The following DLG2 variants were observed in gnomAD, a reference collection of about 807,000 sequenced individuals.
The protein encoded by DLG2 is discs large MAGUK scaffold protein 2, also known as disks large homolog 2.
DLG2 carries 45 observed loss-of-function variants against 132.5 expected under a neutral mutation model. The observed-to-expected ratio is 0.34, with a 90% CI of 0.27 to 0.44. DLG2 has a LOEUF of 0.44. Ranked by LOEUF, DLG2 falls within the 20% of genes least tolerant of loss-of-function variation. The pLI, the probability that DLG2 is intolerant of heterozygous loss-of-function variation, is 1.00. For missense variants in DLG2, 1,045 were observed against 1,196.9 expected (o/e 0.87, Z 1.87); for synonymous variants, 424 against 419.6 (o/e 1.01, Z -0.13).
intron 19 of DLG2, among the ~76,000 whole-genome samples, chr11:83,564,120 T>C (rs1031786093): frequency 6.6e-6 from 1 of 151,858 alleles, no homozygotes; most frequent in African/African-American, 2.4e-5. Flanking sequence ...TTTTGTTTTC[T>C]ATGATAAAAT....
chr11:85,582,660 C>CA lies in DLG2; in HGVS notation c.40+15996dup, dbSNP rs59452629. On this transcript the variant is annotated intron_variant, in intron 3 of 27. Coordinates refer to ENST00000376104, the MANE Select transcript of DLG2 (RefSeq NM_001142699.3). Reference sequence around the variant, plus strand: ...GCAACATGGTGAAACCCCATCTCTACAAAAAAAAAAAAAAAAAAAAAAAAA... The same window carrying CA: ...GCAACATGGTGAAACCCCATCTCTACAAAAAAAAAAAAAAAAAAAAAAAAAA... 2.5e-3 allele frequency among the ~76,000 whole-genome samples: 68 copies of CA among 27,142 alleles called. 19 individuals carry two copies. The highest frequency in any genetic ancestry group is 4.3e-3 in the African/African-American group (40 of 9,214). The allele number at this position is 27,142 out of a possible 152,430, so 17.8% of individuals were successfully genotyped here. A position where few individuals can be genotyped will look rare whatever the true frequency, so the allele number is the denominator to read the frequency against.
At chr11:84,890,873 T>C (rs17147743) in intron 6 of DLG2, 15,301 of 152,268 alleles carry the variant, frequency 0.1, 1,037 homozygotes, top group African/African-American at 0.19. Flanking sequence ...TCCTCAGACA[T>C]ACTCTGCACA....
At chr11:84,970,473 T>C (rs1203699133) in intron 6 of DLG2, among the ~76,000 whole-genome samples, 2 of 152,198 alleles carry the variant, frequency 1.3e-5, no homozygotes, top group African/African-American at 2.4e-5. Flanking sequence ...TCAACAACCA[T>C]TTATTTCCCA....
At chr11:84,237,956 C>T (rs1384862281) in intron 8 of DLG2, among the ~76,000 whole-genome samples, 2 of 147,258 alleles carry the variant, frequency 1.4e-5, no homozygotes, top group East Asian at 2.1e-4. Context: ...GCAAGAGAAT[C>T]GCTTGAACCC....
chr11:84,965,603 C>A (rs539628942), intron 6 of DLG2, among the ~76,000 whole-genome samples: 2 of 152,030 alleles, frequency 1.3e-5, no homozygotes, highest in Non-Finnish European at 2.9e-5. Flanking sequence ...TCTATTTCTT[C>A]TCAGTAATCA....
intron 3 of DLG2, among the ~76,000 whole-genome samples, chr11:85,517,963 C>T (rs1002211124): frequency 6.6e-6 from 1 of 152,190 alleles, no homozygotes; most frequent in Non-Finnish European, 1.5e-5. Context: ...TTGCCTGTCA[C>T]CATTCACGTA....
At chr11:84,453,294 T>C (rs1567676978) in intron 7 of DLG2, among the ~76,000 whole-genome samples, 1 of 151,820 alleles carries the variant, frequency 6.6e-6, no homozygotes, top group South Asian at 2.1e-4. Flanking sequence ...TTTACAATTA[T>C]CTATTTAATA....
rs770717868 is a variant in DLG2, at chr11:83,455,189, G to A, written c.*4629C>T. The A allele has an allele frequency of 1.3e-5, 2 of 152,586 alleles. No individual in the cohort carries two copies. The highest frequency in any genetic ancestry group is 2.9e-5 in the Non-Finnish European group (2 of 68,048). The allele number at this position is 152,586 out of a possible 1,614,324, so 9.5% of individuals were successfully genotyped here. A position where few individuals can be genotyped will look rare whatever the true frequency, so the allele number is the denominator to read the frequency against. On this transcript the variant is annotated 3_prime_UTR_variant, in exon 28 of 28. Coordinates refer to ENST00000376104, the MANE Select transcript of DLG2 (RefSeq NM_001142699.3). ...ATATACATCTTGATTTTATAATCGT[G>A]TGTGCTTTATTTTTTACACAAATGG...
intron 7 of DLG2, among the ~76,000 whole-genome samples, chr11:84,278,800 T>C (rs961804220): frequency 1.1e-4 from 6 of 53,284 alleles, no homozygotes. Flanking sequence ...ATAGTAAACA[T>C]TATTTTATTT....
At chr11:84,805,107 C>T (rs1455258095) in intron 6 of DLG2, among the ~76,000 whole-genome samples, 2 of 152,062 alleles carry the variant, frequency 1.3e-5, no homozygotes, top group Non-Finnish European at 2.9e-5. Flanking sequence ...TCAGTAGAGG[C>T]CACATGCACA....
chr11:83,675,398 A>G (rs1566476110), intron 18 of DLG2, among the ~76,000 whole-genome samples: 1 of 152,232 alleles, frequency 6.6e-6, no homozygotes, highest in African/African-American at 2.4e-5. Context: ...ATTTTTTAGT[A>G]TCACAAACAT....
chr11:84,753,338 C>T (rs1200588497), intron 6 of DLG2, among the ~76,000 whole-genome samples: 3 of 152,096 alleles, frequency 2.0e-5, no homozygotes, highest in South Asian at 2.1e-4. Flanking sequence ...GAAACAAATC[C>T]CATAGTGTAG....
chr11:84,745,477 G>A (rs2065242431), intron 6 of DLG2, among the ~76,000 whole-genome samples: 2 of 152,132 alleles, frequency 1.3e-5, no homozygotes, highest in Non-Finnish European at 2.9e-5. Flanking sequence ...CCAGGCAGAT[G>A]CTGCTGTACT....
intron 15 of DLG2, among the ~76,000 whole-genome samples, chr11:83,882,792 T>G (rs752555967): frequency 6.6e-6 from 1 of 152,224 alleles, no homozygotes; most frequent in Non-Finnish European, 1.5e-5. Context: ...TTCTCTTATA[T>G]GAATGTCTAA....
At chr11:84,900,198 A>T (rs2090718260) in intron 6 of DLG2, among the ~76,000 whole-genome samples, 1 of 152,104 alleles carries the variant, frequency 6.6e-6, no homozygotes, top group Admixed American at 6.6e-5. Flanking sequence ...TCTTTCTGGT[A>T]AGCAACACCT....
At chr11:84,374,898 C>A (rs1015678376) in intron 7 of DLG2, among the ~76,000 whole-genome samples, 2 of 152,120 alleles carry the variant, frequency 1.3e-5, no homozygotes, top group African/African-American at 2.4e-5. Flanking sequence ...CTCATGCACC[C>A]CCTACTCCAA....
chr11:85,137,799 T>G (rs1211317557), intron 5 of DLG2, among the ~76,000 whole-genome samples: 2 of 152,120 alleles, frequency 1.3e-5, no homozygotes, highest in African/African-American at 4.8e-5. Flanking sequence ...AAATGACATC[T>G]GCAAAGCTTG....
intron 18 of DLG2, among the ~76,000 whole-genome samples, chr11:83,718,700 G>A (rs752261479): frequency 2.0e-5 from 3 of 152,060 alleles, no homozygotes; most frequent in Admixed American, 2.0e-4. Context: ...CTGAGAGGGA[G>A]GTGAAGTTGG....
At chr11:85,503,020 C>A (rs1002318141) in intron 3 of DLG2, among the ~76,000 whole-genome samples, 1 of 151,950 alleles carries the variant, frequency 6.6e-6, no homozygotes, top group Non-Finnish European at 1.5e-5. Context: ...CTATTCCCTA[C>A]AATATAGAAG....
Sources: gnomAD v4.1 joint callset for allele counts (sites outside exome capture counted in the v4.1 genomes callset) on GRCh38, gnomAD v4.1.1 for gene constraint, MANE v1.5 for transcripts, NCBI Gene and HGNC (gene_info 2026-07-23, HGNC 2026-07-21) for gene names.